The following SORL1 variants were observed in gnomAD, a reference collection of about 807,000 sequenced individuals.
The protein encoded by SORL1 is sortilin-related receptor.
SORL1 carries 127 observed loss-of-function variants against 273.7 expected under a neutral mutation model. That is an observed-to-expected ratio of 0.46 (90% CI 0.40 to 0.54). The LOEUF is 0.54. Ranked by LOEUF, SORL1 falls within the 20% of genes least tolerant of loss-of-function variation. SORL1 has a pLI of 0.00. For synonymous variants in SORL1, 1,031 were observed against 1,067.4 expected, an observed-to-expected ratio of 0.97 and a Z score of 0.66; for missense variants, 2,494 against 2,846.1, an observed-to-expected ratio of 0.88 and a Z score of 2.81.
chr11:121,550,744 G>T lies in SORL1; in HGVS notation c.2266+74G>T. ...CAGTATCACGATCTCACCCAAGTCC[G>T]GGCTTGTGGCTCCTTTAATTGAGTG... On this transcript the variant is annotated intron_variant, in intron 16 of 47. Transcript: ENST00000260197. This position sits in a 1 kb window ranked among gnomAD's most constrained non-coding sequence, Gnocchi z 5.3. The T allele has an allele frequency of 1.7e-6, 2 of 1,176,734 alleles. No homozygotes were observed. Among genetic ancestry groups the T allele is most frequent in the Admixed American group, 2.1e-5 (1 of 47,588 alleles). 72.9% of individuals were successfully genotyped at this position (1,176,734 alleles called of 1,614,324 possible).
chr11:121,606,205 G>C (rs1863470804), intron 35 of SORL1, among the ~76,000 whole-genome samples: 1 of 152,146 alleles, frequency 6.6e-6, no homozygotes, highest in Admixed American at 6.5e-5. Flanking sequence ...TTACAGGTGT[G>C]AGCCACTGCA....
intron 32 of SORL1, among the ~76,000 whole-genome samples, chr11:121,602,806 T>C (rs1863413621): frequency 6.6e-6 from 1 of 152,222 alleles, no homozygotes; most frequent in South Asian, 2.1e-4. Context: ...ATCCTTGCTT[T>C]AAAATTAAAC....
rs200869993 is a variant in SORL1 at position 121,545,294 on chromosome 11, G to T, written c.1916G>T (p.Arg639Leu). The change falls in exon 14 of 48, where the codon CGG becomes CTG. Residue 639 changes from arginine (R) to leucine (L), a missense_variant. Around this residue, in one of 3 missense-constraint regions of SORL1, gnomAD observed 710 missense variants for 882.5 expected, o/e 0.80. Coordinates refer to ENST00000260197, the MANE Select transcript of SORL1 (RefSeq NM_003105.6). The stretch of plus-strand genomic sequence containing the variant: ...AAGCTGTGGTCACCATCTGATGAGC[G>T]GGGGAATGAGTGTTTGCTGGGACAC... ...DYKLWSPSDE[R>L]GNECLLGHKT... 3.9e-5 allele frequency: 63 copies of T among 1,614,044 alleles called. No homozygotes were observed. The East Asian group carries it at 6.9e-4, about 18-fold the overall frequency.
At chr11:121,525,884 C>T (rs1862113842) in intron 11 of SORL1, among the ~76,000 whole-genome samples, 1 of 152,026 alleles carries the variant, frequency 6.6e-6, no homozygotes, top group Non-Finnish European at 1.5e-5. Context: ...TAAAAATAGC[C>T]AGGCATGGTG....
At chr11:121,605,018 G>A (rs143607078) in intron 33 of SORL1, 95 bp from the exon 34 acceptor site, 217 of 1,034,576 alleles carry the variant, frequency 2.1e-4, no homozygotes, top group Admixed American at 1.2e-3. Context: ...CAATTTGCCC[G>A]CCTCGGCCTC....
chr11:121,612,857 T>C lies in SORL1; in HGVS notation c.5419+25T>C, dbSNP rs780951316. 8 of 1,548,250 alleles carry C rather than the reference T, an allele frequency of 5.2e-6. 1 individual carries two copies. The South Asian group carries it at 9.0e-5, about 17-fold the overall frequency. On this transcript the variant is annotated intron_variant, in intron 40 of 47. Transcript: ENST00000260197. ...GGTAACACTTTGGTGCTGGTCAGTGTGTGTGCAGGAAGGGGTAAGGCTGGA... is the reference window on the plus strand; with the variant it reads ...GGTAACACTTTGGTGCTGGTCAGTGCGTGTGCAGGAAGGGGTAAGGCTGGA...
intron 32 of SORL1, among the ~76,000 whole-genome samples, chr11:121,601,706 G>T (rs930821777): frequency 1.3e-5 from 2 of 150,840 alleles, no homozygotes; most frequent in African/African-American, 4.9e-5. Flanking sequence ...GCACACTACC[G>T]CACCCAGCTT....
In SORL1 at chr11:121,452,425, A is replaced by T; in HGVS notation, c.94A>T (p.Thr32Ser). Residue 32 changes from threonine to serine, a missense_variant, in exon 1 of 48, where the codon ACG becomes TCG. This residue lies in a region of SORL1 where 175 missense variants were observed against 147.1 expected (regional missense o/e 1.19). Coordinates refer to ENST00000260197, the MANE Select transcript of SORL1 (RefSeq NM_003105.6). The surrounding 1 kb of genome is among the most constrained non-coding windows in gnomAD (Gnocchi z 5.3). ...GCCCGGAGCTCTCTGCGAAGTCTGG[A>T]CGCAGAGGCTGCACGGCGGCAGCGC... ...LPPGALCEVW[T>S]QRLHGGSAPL... 6.6e-7 allele frequency: 1 copy of T among 1,515,172 alleles called. No individual in the cohort carries two copies. The highest frequency in any genetic ancestry group is 8.8e-7 in the Non-Finnish European group (1 of 1,134,886). 93.9% of individuals were successfully genotyped at this position (1,515,172 alleles called of 1,614,324 possible). A position where few individuals can be genotyped will look rare whatever the true frequency, so the allele number is the denominator to read the frequency against.
At chr11:121,455,114 G>A (rs1860881981) in intron 1 of SORL1, among the ~76,000 whole-genome samples, 1 of 151,978 alleles carries the variant, frequency 6.6e-6, no homozygotes, top group South Asian at 2.1e-4. Context: ...CAGTGAGCTG[G>A]GGAATAAAAT....
intron 27 of SORL1, 36 bp downstream of exon 27, chr11:121,586,365 C>G: frequency 6.8e-7 from 1 of 1,467,488 alleles, no homozygotes; most frequent in Non-Finnish European, 9.6e-7. Flanking sequence ...AGCACTCAGG[C>G]CTAGTGATTA....
At position 121,627,611 on chromosome 11, in the gene SORL1, G is replaced by T; in HGVS notation, c.6421G>T (p.Val2141Leu). Residue 2141 changes from valine (V) to leucine (L), a missense_variant, in exon 47 of 48, where the codon GTG (valine) becomes TTG (leucine). Transcript: ENST00000260197. The surrounding 1 kb of genome is among the most constrained non-coding windows in gnomAD (Gnocchi z 4.9). ...ATCTACGGATGTTGCTGCTGTGGTGGTGCCCATCTTATTCCTGATACTGCT... is the reference window on the plus strand; with the variant it reads ...ATCTACGGATGTTGCTGCTGTGGTGTTGCCCATCTTATTCCTGATACTGCT... ...ARSTDVAAVV[V>L]PILFLILLSL... The T allele has an allele frequency of 6.2e-7, 1 of 1,614,188 alleles. No individual in the cohort carries two copies. The highest frequency in any genetic ancestry group is 1.1e-5 in the South Asian group (1 of 91,084).
chr11:121,452,771 A>T lies in SORL1; in HGVS notation c.285+155A>T. 1.7e-6 allele frequency: 1 copy of T among 580,320 alleles called. No individual in the cohort carries two copies. The highest frequency in any genetic ancestry group is 2.8e-6 in the Non-Finnish European group (1 of 359,662). 35.9% of individuals were successfully genotyped at this position (580,320 alleles called of 1,614,324 possible). On this transcript the variant is annotated intron_variant, in intron 1 of 47. Transcript: ENST00000260197. The surrounding 1 kb of genome is among the most constrained non-coding windows in gnomAD (Gnocchi z 5.3). ...TTTTTCCTTCACGAGTACAACCGTC[A>T]GCACTTGAATCGCATTGATCTTTCC...
chr11:121,608,533 G>A (rs1014263316), intron 38 of SORL1: 25 of 235,750 alleles, frequency 1.1e-4, no homozygotes, highest in Middle Eastern at 2.9e-3. Context: ...CACTTACGGG[G>A]TTTTAAAGAA....
At chr11:121,588,428 G>A (rs939087804) in intron 28 of SORL1, among the ~76,000 whole-genome samples, 1 of 152,150 alleles carries the variant, frequency 6.6e-6, no homozygotes, top group Non-Finnish European at 1.5e-5. Flanking sequence ...AGTGACCAGG[G>A]TCTTGGCTCA....
At chr11:121,626,392 C>T (rs369258377) in intron 46 of SORL1, 3 of 152,270 alleles carry the variant, frequency 2.0e-5, no homozygotes, top group South Asian at 2.1e-4. Context: ...GCACACACCC[C>T]CTTCATTAAC....
At chr11:121,523,083 T>C in intron 11 of SORL1, 94 bp downstream of exon 11, 1 of 854,076 alleles carries the variant, frequency 1.2e-6, no homozygotes. Context: ...ACACAAATGG[T>C]CCATGGCAGA....
intron 2 of SORL1, among the ~76,000 whole-genome samples, chr11:121,477,738 A>G (rs749138079): frequency 3.4e-4 from 51 of 152,110 alleles, no homozygotes; most frequent in South Asian, 1.0e-3. Flanking sequence ...TGTTTGAAAG[A>G]GATCTTTCTG....
At chr11:121,587,849 T>G (rs1383912161) in intron 27 of SORL1, among the ~76,000 whole-genome samples, 171 bp from the exon 28 acceptor site, 1 of 152,202 alleles carries the variant, frequency 6.6e-6, no homozygotes, top group African/African-American at 2.4e-5. Context: ...TGATGCACTT[T>G]ATGTCAAATG....
At chr11:121,561,643 C>G (rs148156822) in intron 21 of SORL1, among the ~76,000 whole-genome samples, 1 of 139,022 alleles carries the variant, frequency 7.2e-6, no homozygotes, top group Non-Finnish European at 1.5e-5. Context: ...TAGCCAAGGT[C>G]GTGCTGCTGC....
Sources: gnomAD v4.1 joint callset for allele counts (sites outside exome capture counted in the v4.1 genomes callset) on GRCh38, gnomAD v4.1.1 for gene constraint, gnomAD v4.1.1 regional missense constraint, Gnocchi (gnomAD v3.1) non-coding constraint, MANE v1.5 for transcripts, NCBI Gene and HGNC (gene_info 2026-07-23, HGNC 2026-07-21) for gene names.